Variants in PLET1 observed in about 807,000 individuals in gnomAD.
PLET1 encodes the protein placenta-expressed transcript 1 protein.
PLET1 carries 20 observed loss-of-function variants against 18.5 expected under a neutral mutation model. The observed-to-expected ratio is 1.08, with a 90% CI of 0.76 to 1.57. The LOEUF (loss-of-function observed/expected upper bound fraction) is 1.57. PLET1 is among the 40% of genes most tolerant of loss of function. The probability of loss-of-function intolerance (pLI) is 0.00; values close to 1 mark genes in which losing one functional copy is unlikely to be tolerated. For missense variants in PLET1, 256 were observed against 246.4 expected (o/e 1.04, Z -0.26); for synonymous variants, 93 against 93.8 (o/e 0.99, Z 0.05).
At chr11:112,249,297 C>A (rs960876872) in intron 3 of PLET1, among the ~76,000 whole-genome samples, 11 of 152,144 alleles carry the variant, frequency 7.2e-5, no homozygotes, top group African/African-American at 2.7e-4. Context: ...GTAGTCTCCT[C>A]CTGAATGTAA....
At position 112,254,721 on chromosome 11, in the gene PLET1, A is replaced by AGT. The variant is rs1318246947; in HGVS notation, c.386+665_386+666dup. Among the ~76,000 whole-genome samples the AGT allele has an allele frequency of 1.7e-4, 6 of 35,288 alleles. No individual in the cohort carries two copies. The Admixed American group carries it at 1.8e-3, about 11-fold the overall frequency. The allele number at this position is 35,288 out of a possible 152,430, so 23.2% of individuals were successfully genotyped here. ...GTGTGGTATGTATGTGTGTGTTGTGAGTGTGTGTGTGGTGTGTGTGTGCTG... is the reference window on the plus strand; with the variant it reads ...GTGTGGTATGTATGTGTGTGTTGTGAGTGTGTGTGTGTGGTGTGTGTGTGCTG... On this transcript the variant is annotated intron_variant, in intron 2 of 3. Transcript: ENST00000338832.
chr11:112,255,077 GTGGTATGT>G (rs1860209891), intron 2 of PLET1, among the ~76,000 whole-genome samples: 1 of 17,826 alleles, frequency 5.6e-5, no homozygotes, highest in Admixed American at 8.5e-4. Context: ...TGTGGTGTGT[GTGGTATGT>G]GTGGTGTGTG....
intron 3 of PLET1, among the ~76,000 whole-genome samples, chr11:112,250,428 C>T (rs374662557): frequency 6.6e-6 from 1 of 151,840 alleles, no homozygotes; most frequent in Non-Finnish European, 1.5e-5. Flanking sequence ...CCTGTAACAG[C>T]GGAAAGTCCA....
intron 3 of PLET1, among the ~76,000 whole-genome samples, chr11:112,251,585 AAAATT>A (rs1592889191): frequency 1.3e-5 from 2 of 152,332 alleles, no homozygotes; most frequent in East Asian, 3.9e-4. Context: ...AATTAAAAGA[AAAATT>A]AAATAGAGAC....
intron 1 of PLET1, 73 bp downstream of exon 1, chr11:112,260,333 G>C: frequency 7.4e-7 from 1 of 1,344,860 alleles, no homozygotes; most frequent in Admixed American, 2.3e-5. Context: ...TAGCGATAGA[G>C]GGGTGTGTTC....
In PLET1 at chr11:112,260,627, G is replaced by C. The variant is rs1216041310; in HGVS notation, c.-38C>G. ...TTTGGAAAGTGCTAGGCCTGGAATT[G>C]GGTGAAACTGACAACTCACCTCTTG... On this transcript the variant is annotated 5_prime_UTR_variant, in exon 1 of 4. Coordinates refer to ENST00000338832, the MANE Select transcript of PLET1 (RefSeq NM_001145024.1). 1.9e-5 allele frequency: 29 copies of C among 1,515,978 alleles called. No individual in the cohort carries two copies. Among genetic ancestry groups the C allele is most frequent in the Non-Finnish European group, 2.5e-5 (28 of 1,123,706 alleles). The allele number at this position is 1,515,978 out of a possible 1,614,324, so 93.9% of individuals were successfully genotyped here.
chr11:112,250,861 C>G (rs910036442), intron 3 of PLET1, among the ~76,000 whole-genome samples: 1 of 152,156 alleles, frequency 6.6e-6, no homozygotes, highest in Non-Finnish European at 1.5e-5. Context: ...AAAAACTACT[C>G]TCTGTTTTCT....
chr11:112,252,931 A>G (rs1181168918), intron 2 of PLET1, among the ~76,000 whole-genome samples: 5 of 152,098 alleles, frequency 3.3e-5, no homozygotes, highest in Non-Finnish European at 7.4e-5. Context: ...CTGTTATCCT[A>G]TCAATAAACC....
At chr11:112,258,171 C>T (rs976945146) in intron 1 of PLET1, among the ~76,000 whole-genome samples, 1 of 152,100 alleles carries the variant, frequency 6.6e-6, no homozygotes, top group Non-Finnish European at 1.5e-5. Context: ...GCTGTGATCC[C>T]CTTCACCCCA....
At chr11:112,255,257 A>G in intron 2 of PLET1, 131 bp downstream of exon 2, 1 of 897,524 alleles carries the variant, frequency 1.1e-6, no homozygotes, top group Admixed American at 2.1e-5. Context: ...GTGAGACGGT[A>G]ATGAAGTGCG....
At chr11:112,254,986 ATATGTGGTGTGTGG>A (rs1785273736) in intron 2 of PLET1, among the ~76,000 whole-genome samples, 1 of 31,462 alleles carries the variant, frequency 3.2e-5, no homozygotes, top group African/African-American at 8.6e-5. Flanking sequence ...TGTGTGTGTG[ATATGTGGTGTGTGG>A]TATGTATGTG....
intron 1 of PLET1, among the ~76,000 whole-genome samples, chr11:112,258,928 A>G (rs960370636): frequency 1.3e-5 from 2 of 152,218 alleles, no homozygotes; most frequent in African/African-American, 4.8e-5. Flanking sequence ...GACCTAGACT[A>G]TGAGTGTGGA....
intron 1 of PLET1, among the ~76,000 whole-genome samples, chr11:112,257,366 T>A (rs1860234275): frequency 8.7e-6 from 1 of 114,356 alleles, no homozygotes; most frequent in Non-Finnish European, 1.9e-5. Flanking sequence ...TTTTTAACTC[T>A]CGTTCCTTTT....
In PLET1 at chr11:112,252,408, C is replaced by T. The variant is rs754218981; in HGVS notation, c.388G>A (p.Ala130Thr). Residue 130 changes from alanine (A) to threonine (T), a missense_variant and splice_region_variant, in exon 3 of 4, where the codon GCT (alanine) becomes ACT (threonine). Transcript: ENST00000338832. ...AGCGCTCTGATCTGGACAGTGAAAGCTCTGTGGAGGGCAAATCAATGAGAG... is the reference window on the plus strand; with the variant it reads ...AGCGCTCTGATCTGGACAGTGAAAGTTCTGTGGAGGGCAAATCAATGAGAG... ...PENITEVEIQ[A>T]FTVQIRALPI... is the part of the protein sequence containing the mutation. 35 of 1,550,992 alleles carry T rather than the reference C, an allele frequency of 2.3e-5. No individual in the cohort carries two copies. The African/African-American group carries it at 4.7e-4, about 21-fold the overall frequency.
At chr11:112,259,565 T>TA (rs1264494780) in intron 1 of PLET1, among the ~76,000 whole-genome samples, 2 of 152,172 alleles carry the variant, frequency 1.3e-5, no homozygotes, top group East Asian at 3.8e-4. Context: ...GTTCTATGAC[T>TA]TACTAGAAGG....
chr11:112,258,281 CTTTTTTTTTTTT>C (rs35254168), intron 1 of PLET1, among the ~76,000 whole-genome samples: 1 of 97,694 alleles, frequency 1.0e-5, no homozygotes, highest in Non-Finnish European at 2.1e-5. Context: ...TTCTTTCTTT[CTTTTTTTTTTTT>C]TTTTTTTTGA....
Position 112,248,679 on chromosome 11 carries a change from A to G in PLET1, c.*120T>C, listed in dbSNP as rs1310948020. 8.3e-7 allele frequency: 1 copy of G among 1,205,310 alleles called. No individual in the cohort carries two copies. Among genetic ancestry groups the G allele is most frequent in the Non-Finnish European group, 1.1e-6 (1 of 872,258 alleles). The allele number at this position is 1,205,310 out of a possible 1,614,324, so 74.7% of individuals were successfully genotyped here. ...GTTTTGGTCTGAAGCCGTGGCAGCA[A>G]AGTTGCACATTTGAGAATGTAAAGC... On this transcript the variant is annotated 3_prime_UTR_variant, in exon 4 of 4. Transcript: ENST00000338832.
intron 3 of PLET1, among the ~76,000 whole-genome samples, chr11:112,250,219 C>T (rs1041622844): frequency 3.0e-5 from 1 of 33,652 alleles, no homozygotes; most frequent in Non-Finnish European, 7.5e-5. Context: ...TAGAAACAAA[C>T]CTTTTTTTTT....
chr11:112,249,745 T>C (rs1860135314), intron 3 of PLET1, among the ~76,000 whole-genome samples: 1 of 151,830 alleles, frequency 6.6e-6, no homozygotes, highest in South Asian at 2.1e-4. Context: ...TCACTTGAGG[T>C]CAGGGGTTCG....
Sources: gnomAD v4.1 joint callset for allele counts (sites outside exome capture counted in the v4.1 genomes callset) on GRCh38, gnomAD v4.1.1 for gene constraint, MANE v1.5 for transcripts, NCBI Gene and HGNC (gene_info 2026-07-23, HGNC 2026-07-21) for gene names.